TYW1: variants seen among roughly 807,000 people sequenced by gnomAD.
The protein encoded by TYW1 is S-adenosyl-L-methionine-dependent tRNA 4-demethylwyosine synthase TYW1.
A neutral mutation model predicts 96.2 loss-of-function variants in TYW1; 46 were observed. That is an observed-to-expected ratio of 0.48 (90% CI 0.38 to 0.61). The LOEUF (loss-of-function observed/expected upper bound fraction) is 0.61, where lower values mean the gene tolerates loss of function less well. Ranked by LOEUF, TYW1 falls within the 20% of genes least tolerant of loss-of-function variation. TYW1 has a pLI of 0.00. For synonymous variants in TYW1, 274 were observed against 323.0 expected, an observed-to-expected ratio of 0.85 and a Z score of 1.63; for missense variants, 684 against 909.6, an observed-to-expected ratio of 0.75 and a Z score of 3.19.
intron 13 of TYW1, among the ~76,000 whole-genome samples, chr7:67,140,149 A>G (rs562352228): frequency 3.2e-4 from 49 of 152,160 alleles, no homozygotes; most frequent in African/African-American, 1.2e-3. Context: ...CTTATTCACT[A>G]TCATGAGAAC....
chr7:67,148,516 C>T (rs1013104917), intron 13 of TYW1, among the ~76,000 whole-genome samples: 55 of 151,082 alleles, frequency 3.6e-4, no homozygotes, highest in Middle Eastern at 3.4e-3. Flanking sequence ...AGCTCCGCCC[C>T]CCGGGTTCAC....
intron 6 of TYW1, among the ~76,000 whole-genome samples, chr7:67,020,778 C>G (rs1230697104): frequency 6.6e-6 from 1 of 152,382 alleles, no homozygotes; most frequent in South Asian, 2.1e-4. Flanking sequence ...GCCTATAATC[C>G]CAGCACTTTG....
intron 5 of TYW1, among the ~76,000 whole-genome samples, chr7:67,016,682 G>C (rs1219013145): frequency 6.6e-6 from 1 of 152,148 alleles, no homozygotes; most frequent in East Asian, 1.9e-4. Context: ...ATGTTGCCTA[G>C]GTTGGAGTTC....
At chr7:67,145,662 G>T (rs555233095) in intron 13 of TYW1, among the ~76,000 whole-genome samples, 5 of 152,236 alleles carry the variant, frequency 3.3e-5, no homozygotes, top group African/African-American at 1.2e-4. Flanking sequence ...ATTTCCTATG[G>T]TCATTTTTTT....
chr7:67,070,229 C>T (rs1165389131), intron 10 of TYW1, among the ~76,000 whole-genome samples: 1 of 152,138 alleles, frequency 6.6e-6, no homozygotes, highest in Admixed American at 6.5e-5. Context: ...TGTGTTTGTA[C>T]TACTTAGAGT....
intron 7 of TYW1, among the ~76,000 whole-genome samples, chr7:67,034,226 C>G (rs1794762188): frequency 6.6e-6 from 1 of 151,904 alleles, no homozygotes; most frequent in South Asian, 2.1e-4. Flanking sequence ...GCCTCAGCCT[C>G]CCGAGTAGCT....
intron 12 of TYW1, among the ~76,000 whole-genome samples, chr7:67,105,263 G>A (rs1716432305): frequency 6.6e-6 from 1 of 152,194 alleles, no homozygotes; most frequent in Admixed American, 6.5e-5. Flanking sequence ...CACATTTACA[G>A]TCTACATACA....
intron 11 of TYW1, 60 bp from the exon 12 acceptor site, chr7:67,098,481 G>A (rs1340061938): frequency 2.0e-5 from 29 of 1,470,630 alleles, no homozygotes; most frequent in Middle Eastern, 3.6e-4. Context: ...TAAGAAAAAC[G>A]TAAGTGACAT....
intron 13 of TYW1, among the ~76,000 whole-genome samples, chr7:67,144,585 C>T (rs577591666): frequency 6.8e-4 from 103 of 152,182 alleles, no homozygotes; most frequent in Non-Finnish European, 1.1e-3. Context: ...ATCCTCCTGC[C>T]TCAGCCTTCC....
intron 10 of TYW1, among the ~76,000 whole-genome samples, chr7:67,076,737 A>G (rs1289061120): frequency 6.6e-6 from 1 of 151,298 alleles, no homozygotes; most frequent in Non-Finnish European, 1.5e-5. Flanking sequence ...TGGCCTTCCA[A>G]AGTGCTGGGA....
intron 10 of TYW1, among the ~76,000 whole-genome samples, chr7:67,071,751 G>A (rs1232484320): frequency 6.6e-6 from 1 of 152,118 alleles, no homozygotes; most frequent in African/African-American, 2.4e-5. Flanking sequence ...CTCCTGAGTA[G>A]CTGGGATTGC....
intron 13 of TYW1, among the ~76,000 whole-genome samples, chr7:67,136,598 G>A (rs1254729001): frequency 3.3e-5 from 5 of 151,220 alleles, no homozygotes; most frequent in Non-Finnish European, 5.9e-5. Flanking sequence ...GTAATTTGAT[G>A]AAGTGTAGAT....
At chr7:67,215,638 G>C (rs1161678961) in intron 15 of TYW1, among the ~76,000 whole-genome samples, 1 of 151,754 alleles carries the variant, frequency 6.6e-6, no homozygotes, top group South Asian at 2.1e-4. Flanking sequence ...TATTAGTCAG[G>C]GTTCTGTTAG....
intron 15 of TYW1, among the ~76,000 whole-genome samples, chr7:67,231,499 C>T (rs2177496): frequency 0.27 from 40,764 of 152,102 alleles, 5,828 homozygotes; most frequent in African/African-American, 0.36. Context: ...AAAAGTACAA[C>T]TTTTTGAGAC....
At chr7:67,130,182 AC>A (rs1409357719) in intron 13 of TYW1, among the ~76,000 whole-genome samples, 1 of 150,386 alleles carries the variant, frequency 6.6e-6, no homozygotes, top group Admixed American at 6.6e-5. Flanking sequence ...GGAGTTTGAG[AC>A]CAGCCTGGCA....
At chr7:67,107,151 T>C (rs1465475113) in intron 12 of TYW1, among the ~76,000 whole-genome samples, 1 of 152,242 alleles carries the variant, frequency 6.6e-6, no homozygotes, top group Non-Finnish European at 1.5e-5. Context: ...TGCAGTTTTC[T>C]TGTATGTGTT....
chr7:67,018,115 A>G lies in TYW1; in HGVS notation c.833A>G (p.Gln278Arg), dbSNP rs1414405975. Residue 278 changes from glutamine to arginine, a missense_variant, in exon 6 of 16, where the codon CAG becomes CGG. Physicochemically the swap from Gln to Arg is conservative, Grantham distance 43 (BLOSUM62 1). Coordinates refer to ENST00000359626, the MANE Select transcript of TYW1 (RefSeq NM_018264.4). ...SEEREEGSHE[Q>R]DELHHRDTEE... is the part of the protein sequence containing the mutation. ...GAGAGGGAGGAAGGATCTCATGAGCAGGATGAATTGCATCATAGAGACACC... is the reference window on the plus strand; with the variant it reads ...GAGAGGGAGGAAGGATCTCATGAGCGGGATGAATTGCATCATAGAGACACC... 1.2e-6 allele frequency: 2 copies of G among 1,613,988 alleles called. No individual in the cohort carries two copies. Among genetic ancestry groups the G allele is most frequent in the East Asian group, 2.2e-5 (1 of 44,882 alleles).
At chr7:67,172,184 A>C (rs909273259) in intron 13 of TYW1, among the ~76,000 whole-genome samples, 1 of 151,578 alleles carries the variant, frequency 6.6e-6, no homozygotes, top group Non-Finnish European at 1.5e-5. Context: ...GAATTTTATT[A>C]TAAGTTTTCC....
At chr7:67,204,553 T>A (rs1800711504) in intron 15 of TYW1, among the ~76,000 whole-genome samples, 1 of 134,218 alleles carries the variant, frequency 7.5e-6, no homozygotes, top group African/African-American at 3.1e-5. Context: ...CTCTTCTTCT[T>A]CTTCTTCTTT....
Sources: allele counts gnomAD v4.1 joint callset (sites outside exome capture counted in the v4.1 genomes callset), GRCh38; gene constraint gnomAD v4.1.1; transcripts MANE v1.5; gene names NCBI Gene and HGNC (gene_info 2026-07-23, HGNC 2026-07-21).